RBBP4: variants seen among roughly 807,000 people sequenced by gnomAD.
RBBP4 encodes histone-binding protein RBBP4.
Under a neutral mutation model 57.2 loss-of-function variants are expected in RBBP4, and 3 were observed. The observed-to-expected ratio is 0.05, with a 90% CI of 0.02 to 0.14. RBBP4 has a LOEUF of 0.14. RBBP4 is among the 10% of genes least tolerant of loss of function. RBBP4 has a pLI of 1.00. For synonymous variants in RBBP4, 151 were observed against 171.5 expected, an observed-to-expected ratio of 0.88 and a Z score of 0.93; for missense variants, 107 against 520.6, an observed-to-expected ratio of 0.21 and a Z score of 7.73.
chr1:32,654,451 A>G (rs1648046583), intron 2 of RBBP4, among the ~76,000 whole-genome samples: 1 of 152,180 alleles, frequency 6.6e-6, no homozygotes, highest in African/African-American at 2.4e-5. Flanking sequence ...TACTATAGTC[A>G]TATGCTAAAT....
At chr1:32,672,969 T>A in intron 11 of RBBP4, 68 bp downstream of exon 11, 1 of 1,254,772 alleles carries the variant, frequency 8.0e-7, no homozygotes, top group Non-Finnish European at 1.1e-6. Flanking sequence ...TACATTTGTA[T>A]ATTTTATGAT....
intron 3 of RBBP4, among the ~76,000 whole-genome samples, chr1:32,666,214 A>G (rs1419264943): frequency 6.6e-6 from 1 of 152,180 alleles, no homozygotes. Context: ...GTATTTCAGA[A>G]CATTCATCCC....
At position 32,681,260 on chromosome 1, in the gene RBBP4, A is replaced by C. The variant is rs1161120474; in HGVS notation, c.*1555A>C. On this transcript the variant is annotated 3_prime_UTR_variant, in exon 12 of 12. Transcript: ENST00000373493. ...TCAAATCTCAAATGGTTTCTTTTCAAGTCTAGTTGTTTTAGAGTATAGTGA... is the reference window on the plus strand; with the variant it reads ...TCAAATCTCAAATGGTTTCTTTTCACGTCTAGTTGTTTTAGAGTATAGTGA... 1 of 152,538 alleles carries C rather than the reference A, an allele frequency of 6.6e-6. No homozygotes were observed. The highest frequency in any genetic ancestry group is 1.5e-5 in the Non-Finnish European group (1 of 68,304). The allele number at this position is 152,538 out of a possible 1,614,324, so 9.4% of individuals were successfully genotyped here.
intron 3 of RBBP4, 145 bp from the exon 4 acceptor site, chr1:32,668,078 TTA>T (rs1024051520): frequency 1.4e-6 from 1 of 690,904 alleles, no homozygotes; most frequent in African/African-American, 1.8e-5. Context: ...GGAAAGCACT[TTA>T]TAGTGCTAGC....
At chr1:32,654,796 C>T (rs947700357) in intron 2 of RBBP4, among the ~76,000 whole-genome samples, 4 of 152,114 alleles carry the variant, frequency 2.6e-5, no homozygotes, top group Admixed American at 1.3e-4. Flanking sequence ...TGGGTTCAAT[C>T]GATTCTCCTG....
intron 2 of RBBP4, 31 bp downstream of exon 2, chr1:32,652,092 T>C (rs1647765282): frequency 6.3e-7 from 1 of 1,593,924 alleles, no homozygotes. Context: ...GTTATTTTGA[T>C]GTATTTTCAG....
At chr1:32,675,971 C>G (rs948602025) in intron 11 of RBBP4, among the ~76,000 whole-genome samples, 1 of 151,976 alleles carries the variant, frequency 6.6e-6, no homozygotes, top group Non-Finnish European at 1.5e-5. Flanking sequence ...CCTGTGATCC[C>G]AGCTACTTGG....
At chr1:32,666,822 A>G (rs1016275341) in intron 3 of RBBP4, among the ~76,000 whole-genome samples, 1 of 152,248 alleles carries the variant, frequency 6.6e-6, no homozygotes, top group Non-Finnish European at 1.5e-5. Context: ...GACATTATCA[A>G]TCATTAGTAT....
At chr1:32,666,390 G>C (rs1648647757) in intron 3 of RBBP4, among the ~76,000 whole-genome samples, 2 of 148,548 alleles carry the variant, frequency 1.3e-5, no homozygotes, top group Non-Finnish European at 3.0e-5. Flanking sequence ...ACGGAGTCTT[G>C]CTCTGTGACC....
Position 32,679,699 on chromosome 1 carries a change from G to A in RBBP4, c.1272G>A (p.Gly424=), listed in dbSNP as rs1228567433. The part of the protein sequence containing the change: ...PEGSVDPEGQ[G]S ...GAAGCGTGGATCCAGAAGGACAAGG[G>A]TCCTAGATATGTCTTTACTTGTTGT... The change falls in exon 12 of 12, where the codon GGG becomes GGA. Residue 424 remains glycine (G), a synonymous_variant. Coordinates refer to ENST00000373493, the MANE Select transcript of RBBP4 (RefSeq NM_005610.3). 3.7e-5 allele frequency: 59 copies of A among 1,612,294 alleles called. No individual in the cohort carries two copies. The highest frequency in any genetic ancestry group is 4.9e-5 in the Non-Finnish European group (58 of 1,179,302).
intron 3 of RBBP4, among the ~76,000 whole-genome samples, chr1:32,662,898 C>T (rs929589860): frequency 1.6e-4 from 25 of 151,994 alleles, no homozygotes; most frequent in African/African-American, 5.5e-4. Context: ...GCAGTAGAAT[C>T]GCTTGAACCC....
In RBBP4 at chr1:32,680,586, C is replaced by T. The variant is rs1248299243; in HGVS notation, c.*881C>T. Reference sequence around the variant, plus strand: ...CATTTTGGGTGACCTGTTTCACCAGCAGGCCTGTTACTCTCCATGACTAAC... The same window carrying T: ...CATTTTGGGTGACCTGTTTCACCAGTAGGCCTGTTACTCTCCATGACTAAC... On this transcript the variant is annotated 3_prime_UTR_variant, in exon 12 of 12. Coordinates refer to ENST00000373493, the MANE Select transcript of RBBP4 (RefSeq NM_005610.3). 1 of 1,489,334 alleles carries T rather than the reference C, an allele frequency of 6.7e-7. No individual in the cohort carries two copies. Among genetic ancestry groups the T allele is most frequent in the Non-Finnish European group, 9.1e-7 (1 of 1,093,896 alleles). The allele number at this position is 1,489,334 out of a possible 1,614,324, so 92.3% of individuals were successfully genotyped here.
intron 2 of RBBP4, among the ~76,000 whole-genome samples, chr1:32,655,235 C>T (rs1159039072): frequency 6.6e-6 from 1 of 152,100 alleles, no homozygotes; most frequent in African/African-American, 2.4e-5. Flanking sequence ...CTTTGACCTC[C>T]CAAAGTGCTG....
intron 11 of RBBP4, among the ~76,000 whole-genome samples, chr1:32,674,395 G>A (rs1158953476): frequency 1.3e-5 from 2 of 151,974 alleles, no homozygotes; most frequent in African/African-American, 4.8e-5. Context: ...CACCAGCCCT[G>A]GTTAATTTTT....
intron 1 of RBBP4, chr1:32,651,687 G>A: frequency 1.3e-6 from 1 of 750,012 alleles, no homozygotes; most frequent in Non-Finnish European, 2.1e-6. Flanking sequence ...GTGCTCCGAA[G>A]GCCTGGCTGG....
intron 8 of RBBP4, among the ~76,000 whole-genome samples, chr1:32,671,855 T>A (rs893227690): frequency 6.6e-6 from 1 of 152,012 alleles, no homozygotes; most frequent in Non-Finnish European, 1.5e-5. Context: ...ATCCTGCCAT[T>A]GTACTCCAGC....
chr1:32,653,637 G>GTTTTTGTTTTTTTT (rs1647992545), intron 2 of RBBP4, among the ~76,000 whole-genome samples: 2 of 20,776 alleles, frequency 9.6e-5, no homozygotes, highest in Non-Finnish European at 3.5e-4. Flanking sequence ...TTGTTTTCTG[G>GTTTTTGTTTTTTTT]TTTTTTTTTT....
chr1:32,651,251 TC>T lies in RBBP4; in HGVS notation c.-52del. 6.7e-7 allele frequency: 1 copy of T among 1,502,268 alleles called. No homozygotes were observed. Among genetic ancestry groups the T allele is most frequent in the Non-Finnish European group, 8.9e-7 (1 of 1,125,556 alleles). The allele number at this position is 1,502,268 out of a possible 1,614,324, so 93.1% of individuals were successfully genotyped here. Reference sequence around the variant, plus strand: ...GCGCACAGAGCGAGCTCTTGCAGCCTCCCCGCCCCTCCCGCAACGCTCGACC... The same window carrying T: ...GCGCACAGAGCGAGCTCTTGCAGCCTCCCGCCCCTCCCGCAACGCTCGACC... On this transcript the variant is annotated 5_prime_UTR_variant, in exon 1 of 12. Coordinates refer to ENST00000373493, the MANE Select transcript of RBBP4 (RefSeq NM_005610.3).
At position 32,685,502 on chromosome 1, in the gene RBBP4, CTAT is replaced by C. The variant is rs1245367389; in HGVS notation, c.*5803_*5805del. On this transcript the variant is annotated 3_prime_UTR_variant, in exon 12 of 12. Coordinates refer to ENST00000373493, the MANE Select transcript of RBBP4 (RefSeq NM_005610.3). Reference sequence around the variant, plus strand: ...AGGAATCCAGTTGTTGGGGTACATGCTATTATTAGAAGGATCTAGATAATTTGT... The same window carrying C: ...AGGAATCCAGTTGTTGGGGTACATGCTATTAGAAGGATCTAGATAATTTGT... 2 of 152,210 alleles carry C rather than the reference CTAT, an allele frequency of 1.3e-5. No homozygotes were observed. The highest frequency in any genetic ancestry group is 2.9e-5 in the Non-Finnish European group (2 of 68,042). The allele number at this position is 152,210 out of a possible 1,614,324, so 9.4% of individuals were successfully genotyped here. A position where few individuals can be genotyped will look rare whatever the true frequency, so the allele number is the denominator to read the frequency against.
Sources: gnomAD v4.1 joint callset for allele counts (sites outside exome capture counted in the v4.1 genomes callset) on GRCh38, gnomAD v4.1.1 for gene constraint, MANE v1.5 for transcripts, NCBI Gene and HGNC (gene_info 2026-07-23, HGNC 2026-07-21) for gene names.